ADAMTS18: variants seen among roughly 807,000 people sequenced by gnomAD.
ADAMTS18 encodes the protein ADAM metallopeptidase with thrombospondin type 1 motif 18.
In ADAMTS18, 157 loss-of-function variants were observed where a neutral mutation model predicts 165.9. The ratio of observed to expected loss-of-function variants is 0.95; its 90% CI spans 0.83 to 1.08. ADAMTS18 has a LOEUF of 1.08. Ranked by LOEUF, ADAMTS18 falls within the 50% of genes least tolerant of loss-of-function variation. The pLI, the probability that ADAMTS18 is intolerant of heterozygous loss-of-function variation, is 0.00. For synonymous variants in ADAMTS18, 782 were observed against 578.2 expected (o/e 1.35, Z -5.06); for missense variants, 2,040 against 1,534.0 (o/e 1.33, Z -5.51).
intron 9 of ADAMTS18, among the ~76,000 whole-genome samples, chr16:77,355,352 T>A (rs8058399): frequency 0.37 from 55,901 of 151,942 alleles, 11,164 homozygotes; most frequent in Non-Finnish European, 0.46. Flanking sequence ...ATAGCTACCA[T>A]CTTCTTTGGC....
In ADAMTS18 at chr16:77,334,008, AT is replaced by A. The variant is rs1457207700; in HGVS notation, c.1859+1747del. On this transcript the variant is annotated intron_variant, in intron 12 of 22. Coordinates refer to ENST00000282849, the MANE Select transcript of ADAMTS18 (RefSeq NM_199355.4). ...CTATATATAATATACAGTGCAATAT[AT>A]GCTATATATAATATACAGTGCAATA... 2.1e-5 allele frequency among the ~76,000 whole-genome samples: 3 copies of A among 141,830 alleles called. 1 individual carries two copies. The highest frequency in any genetic ancestry group is 7.8e-5 in the African/African-American group (3 of 38,604). The allele number at this position is 141,830 out of a possible 152,430, so 93.0% of individuals were successfully genotyped here.
chr16:77,392,200 T>A (rs2057197374), intron 3 of ADAMTS18, among the ~76,000 whole-genome samples: 1 of 152,176 alleles, frequency 6.6e-6, no homozygotes. Context: ...TGGCTCCTGT[T>A]CAGCTCGGAG....
At chr16:77,428,593 A>C (rs1286294399) in intron 3 of ADAMTS18, among the ~76,000 whole-genome samples, 1 of 152,130 alleles carries the variant, frequency 6.6e-6, no homozygotes, top group Admixed American at 6.5e-5. Context: ...AAATTAGTAC[A>C]ACCACTTTGA....
At chr16:77,292,667 CT>C (rs1451354356) in intron 20 of ADAMTS18, among the ~76,000 whole-genome samples, 1 of 152,180 alleles carries the variant, frequency 6.6e-6, no homozygotes. Context: ...CAGACATAGG[CT>C]TGATCAATGT....
At position 77,364,090 on chromosome 16, in the gene ADAMTS18, G is replaced by C. The variant is rs2056755977; in HGVS notation, c.972+98C>G. On this transcript the variant is annotated intron_variant, in intron 5 of 22. Coordinates refer to ENST00000282849, the MANE Select transcript of ADAMTS18 (RefSeq NM_199355.4). ...AATGGCAGAAACTGCAATTACATTTGCACCGACCTAATACACCTGCTATTC... is the reference window on the plus strand; with the variant it reads ...AATGGCAGAAACTGCAATTACATTTCCACCGACCTAATACACCTGCTATTC... 2.5e-5 allele frequency: 37 copies of C among 1,496,944 alleles called. No homozygotes were observed. In the South Asian group the frequency reaches 4.1e-4, roughly 17 times the overall value. The allele number at this position is 1,496,944 out of a possible 1,614,324, so 92.7% of individuals were successfully genotyped here. A position where few individuals can be genotyped will look rare whatever the true frequency, so the allele number is the denominator to read the frequency against.
At chr16:77,331,291 T>G (rs1367121688) in intron 12 of ADAMTS18, among the ~76,000 whole-genome samples, 1 of 152,188 alleles carries the variant, frequency 6.6e-6, no homozygotes, top group Non-Finnish European at 1.5e-5. Context: ...AGGTAATCTA[T>G]GTCTTTCTTG....
intron 3 of ADAMTS18, among the ~76,000 whole-genome samples, chr16:77,394,992 T>C (rs1432304347): frequency 6.6e-6 from 1 of 152,174 alleles, no homozygotes; most frequent in African/African-American, 2.4e-5. Flanking sequence ...CAGAAAACCC[T>C]AGGCACATGA....
In ADAMTS18 at chr16:77,293,214, G is replaced by C; in HGVS notation, c.3051C>G (p.Leu1017=). ...GGGTTTCTGCGGCAGAGCCCTTGCA[G>C]AGGAGTTCACGCTTCCTCACCCCTC... ...CGRGVRKREL[L]CKGSAAETLP... The change falls in exon 20 of 23, where the codon CTC becomes CTG. Residue 1017 remains leucine, a synonymous_variant. Transcript: ENST00000282849. 1.9e-6 allele frequency: 3 copies of C among 1,613,952 alleles called. No individual in the cohort carries two copies. Among genetic ancestry groups the C allele is most frequent in the South Asian group, 1.1e-5 (1 of 91,064 alleles).
At chr16:77,381,593 G>C (rs1213451443) in intron 3 of ADAMTS18, among the ~76,000 whole-genome samples, 1 of 152,102 alleles carries the variant, frequency 6.6e-6, no homozygotes, top group African/African-American at 2.4e-5. Context: ...CACGAGGTCA[G>C]AAGTTCGAGA....
At position 77,359,363 on chromosome 16, in the gene ADAMTS18, G is replaced by T; in HGVS notation, c.1277C>A (p.Thr426Lys). The change falls in exon 8 of 23, where the codon ACA becomes AAA. Residue 426 changes from threonine to lysine, a missense_variant. Transcript: ENST00000282849. The stretch of plus-strand genomic sequence containing the variant: ...GATGGTGAAGGCAAGGCCAAGTCCT[G>T]TGTCCTCATTGATGGTACAACTTCG... ...KYRSCTINED[T>K]GLGLAFTIAH... 1 of 1,614,164 alleles carries T rather than the reference G, an allele frequency of 6.2e-7. No individual in the cohort carries two copies.
At chr16:77,301,812 C>T (rs1314229138) in intron 16 of ADAMTS18, among the ~76,000 whole-genome samples, 1 of 152,152 alleles carries the variant, frequency 6.6e-6, no homozygotes, top group Admixed American at 6.5e-5. Flanking sequence ...CAAAACAAAT[C>T]TCGATGCCTC....
intron 3 of ADAMTS18, among the ~76,000 whole-genome samples, chr16:77,416,367 T>C (rs142231940): frequency 1.3e-5 from 2 of 152,232 alleles, no homozygotes; most frequent in Admixed American, 6.5e-5. Context: ...ACTGATACGG[T>C]TGGGCTATGT....
chr16:77,292,920 C>G lies in ADAMTS18; in HGVS notation c.3189+156G>C, dbSNP rs137987040. The G allele has an allele frequency of 5.4e-4, 426 of 794,294 alleles. 1 individual carries two copies. In the African/African-American group the frequency reaches 6.4e-3, roughly 12 times the overall value. 49.2% of individuals were successfully genotyped at this position (794,294 alleles called of 1,614,324 possible). A position where few individuals can be genotyped will look rare whatever the true frequency, so the allele number is the denominator to read the frequency against. On this transcript the variant is annotated intron_variant, in intron 20 of 22. Coordinates refer to ENST00000282849, the MANE Select transcript of ADAMTS18 (RefSeq NM_199355.4). Reference sequence around the variant, plus strand: ...CTGCAAACTCCGCCTCCTGGGTTCACGCCATGCTCCTGCCTCAGCCTCCCC... The same window carrying G: ...CTGCAAACTCCGCCTCCTGGGTTCAGGCCATGCTCCTGCCTCAGCCTCCCC...
chr16:77,357,605 G>A (rs1015271322), intron 8 of ADAMTS18, among the ~76,000 whole-genome samples: 2 of 152,170 alleles, frequency 1.3e-5, no homozygotes, highest in African/African-American at 4.8e-5. Context: ...AAGCCATTAC[G>A]CTAGAGGAAA....
intron 3 of ADAMTS18, among the ~76,000 whole-genome samples, chr16:77,412,222 C>G (rs1020309444): frequency 3.9e-5 from 6 of 152,310 alleles, no homozygotes; most frequent in East Asian, 3.9e-4. Context: ...CCTTCTAACT[C>G]AGACTGTAAC....
chr16:77,424,791 T>A lies in ADAMTS18; in HGVS notation c.495+6504A>T, dbSNP rs553453017. Among the ~76,000 whole-genome samples, 105 of 152,220 alleles carry A rather than the reference T, an allele frequency of 6.9e-4. 1 individual carries two copies. In the South Asian group the frequency reaches 0.013, roughly 20 times the overall value. On this transcript the variant is annotated intron_variant, in intron 3 of 22. Transcript: ENST00000282849. Reference sequence around the variant, plus strand: ...CAGTTTGTCTGTCTCACAAAACACATAAATACAACCCAGTCTAATCCTTAA... The same window carrying A: ...CAGTTTGTCTGTCTCACAAAACACAAAAATACAACCCAGTCTAATCCTTAA...
Position 77,341,815 on chromosome 16 carries a change from A to G in ADAMTS18, c.1615-16T>C, listed in dbSNP as rs749401139. 1.2e-5 allele frequency: 18 copies of G among 1,549,064 alleles called. No homozygotes were observed. Among genetic ancestry groups the G allele is most frequent in the South Asian group, 3.4e-5 (3 of 87,410 alleles). ...TGCAAATATCCTGAAATAAAAAAAA[A>G]GGGGGGTGCTGTTAATGGTGATATA... On this transcript the variant is annotated splice_polypyrimidine_tract_variant and intron_variant, in intron 10 of 22. Coordinates refer to ENST00000282849, the MANE Select transcript of ADAMTS18 (RefSeq NM_199355.4).
intron 14 of ADAMTS18, 131 bp downstream of exon 14, chr16:77,322,204 CA>C: frequency 1.6e-6 from 1 of 638,118 alleles, no homozygotes; most frequent in Non-Finnish European, 2.7e-6. Context: ...TCCAGTGAAA[CA>C]CTTTGCTCTT....
At chr16:77,366,020 A>G (rs77605674) in intron 4 of ADAMTS18, among the ~76,000 whole-genome samples, 2 of 152,308 alleles carry the variant, frequency 1.3e-5, no homozygotes, top group Admixed American at 1.3e-4. Flanking sequence ...ATTACTCTAT[A>G]TATGCTAAAT....
Sources: allele counts gnomAD v4.1 joint callset (sites outside exome capture counted in the v4.1 genomes callset), GRCh38; gene constraint gnomAD v4.1.1; transcripts MANE v1.5; gene names NCBI Gene and HGNC (gene_info 2026-07-23, HGNC 2026-07-21).